AHSP: variants seen among roughly 807,000 people sequenced by gnomAD.
AHSP encodes the protein alpha-hemoglobin-stabilizing protein.
In AHSP, 5 loss-of-function variants were observed where a neutral mutation model predicts 2.7. That is an observed-to-expected ratio of 1.86 (90% CI 0.97 to 3.92). The LOEUF is 3.92. Among genes scored for constraint, AHSP ranks in the 30% most tolerant of loss-of-function variants. The pLI is 0.00. For missense variants in AHSP, 134 were observed against 119.8 expected (o/e 1.12, Z -0.55); for synonymous variants, 50 against 48.4 (o/e 1.03, Z -0.14).
chr16:31,528,201 T>G lies in AHSP; in HGVS notation c.62T>G (p.Leu21Arg). Reference protein sequence around the residue: ...ISAGLKEFSVLLNQQVFNDPL... With the variant: ...ISAGLKEFSVRLNQQVFNDPL... ...GCAGGATTGAAGGAGTTCAGCGTTCTGCTGAATCAGCAGGTGAGTCCAAGC... is the reference window on the plus strand; with the variant it reads ...GCAGGATTGAAGGAGTTCAGCGTTCGGCTGAATCAGCAGGTGAGTCCAAGC... The change falls in exon 2 of 3, where the codon CTG (leucine) becomes CGG (arginine). Residue 21 changes from leucine (L) to arginine (R), a missense_variant. Physicochemically the swap from Leu to Arg is moderately radical, Grantham distance 102 (BLOSUM62 -2). Transcript: ENST00000302312. The G allele has an allele frequency of 6.2e-7, 1 of 1,613,988 alleles. No homozygotes were observed. Among genetic ancestry groups the G allele is most frequent in the Non-Finnish European group, 8.5e-7 (1 of 1,179,902 alleles).
chr16:31,528,296 C>G lies in AHSP; in HGVS notation c.75+82C>G. 2.1e-6 allele frequency: 3 copies of G among 1,407,056 alleles called. No homozygotes were observed. The South Asian group carries it at 3.5e-5, about 16-fold the overall frequency. 87.2% of individuals were successfully genotyped at this position (1,407,056 alleles called of 1,614,324 possible). On this transcript the variant is annotated intron_variant, in intron 2 of 2. Coordinates refer to ENST00000302312, the MANE Select transcript of AHSP (RefSeq NM_016633.4). ...AAGTGGAGGAAGAGGATAATTGGAG[C>G]TGGTGAAGTAATGGTGGAGTTGATG... is the stretch of plus-strand genomic sequence containing the variant.
intron 2 of AHSP, 83 bp downstream of exon 2, chr16:31,528,297 T>G: frequency 1.4e-6 from 2 of 1,408,796 alleles, no homozygotes; most frequent in Non-Finnish European, 2.0e-6. Flanking sequence ...TAATTGGAGC[T>G]GGTGAAGTAA....
At chr16:31,528,051 A>AT in intron 1 of AHSP, 85 bp from the exon 2 acceptor site, 1 of 1,127,026 alleles carries the variant, frequency 8.9e-7, no homozygotes, top group South Asian at 1.2e-5. Flanking sequence ...GGCAGGAGGG[A>AT]TTTTTAAGGG....
Position 31,528,458 on chromosome 16 carries a change from G to A in AHSP, c.76G>A (p.Val26Ile). The change falls in exon 3 of 3, where the codon GTC becomes ATC. Residue 26 changes from valine to isoleucine, a missense_variant and splice_region_variant. Coordinates refer to ENST00000302312, the MANE Select transcript of AHSP (RefSeq NM_016633.4). Reference protein sequence around the residue: ...KEFSVLLNQQVFNDPLVSEED... With the variant: ...KEFSVLLNQQIFNDPLVSEED... The stretch of plus-strand genomic sequence containing the variant: ...CAACTGCCTCTCCGCAACCCCCCAG[G>A]TCTTCAATGATCCTCTCGTCTCTGA... 6.2e-7 allele frequency: 1 copy of A among 1,613,972 alleles called. No homozygotes were observed. The highest frequency in any genetic ancestry group is 1.7e-5 in the Admixed American group (1 of 60,012).
At chr16:31,528,036 T>C in intron 1 of AHSP, 74 bp downstream of exon 1, 1 of 983,696 alleles carries the variant, frequency 1.0e-6, no homozygotes. Context: ...GAGATAGCCC[T>C]GCAGGGCAGG....
rs774765197 is a variant in AHSP at position 31,528,161 on chromosome 16, A to G, written c.22A>G (p.Lys8Glu). Residue 8 changes from lysine to glutamate, a missense_variant, in exon 2 of 3, where the codon AAG becomes GAG. Coordinates refer to ENST00000302312, the MANE Select transcript of AHSP (RefSeq NM_016633.4). ...GCAGATGGCTCTTCTTAAGGCCAAT[A>G]AGGATCTCATTTCCGCAGGATTGAA... The part of the protein sequence containing the change: MALLKAN[K>E]DLISAGLKEF... The G allele has an allele frequency of 6.2e-7, 1 of 1,614,014 alleles. No individual in the cohort carries two copies. Among genetic ancestry groups the G allele is most frequent in the East Asian group, 2.2e-5 (1 of 44,884 alleles).
At chr16:31,528,417 C>A in intron 2 of AHSP, 41 bp from the exon 3 acceptor site, 1 of 1,561,874 alleles carries the variant, frequency 6.4e-7, no homozygotes, top group Non-Finnish European at 8.8e-7. Flanking sequence ...CCATTGCTGA[C>A]CACATTCTCC....
chr16:31,528,325 A>ACAAC (rs1003952357), intron 2 of AHSP, 111 bp downstream of exon 2: 59 of 1,308,258 alleles, frequency 4.5e-5, no homozygotes, highest in Non-Finnish European at 6.2e-5. Flanking sequence ...GTTGATGGAA[A>ACAAC]CAACGAGAGA....
Position 31,528,782 on chromosome 16 carries a change from G to A in AHSP, c.*91G>A. The A allele has an allele frequency of 8.3e-7, 1 of 1,197,726 alleles. No individual in the cohort carries two copies. The highest frequency in any genetic ancestry group is 1.2e-6 in the Non-Finnish European group (1 of 836,418). The allele number at this position is 1,197,726 out of a possible 1,614,324, so 74.2% of individuals were successfully genotyped here. On this transcript the variant is annotated 3_prime_UTR_variant, in exon 3 of 3. Transcript: ENST00000302312. The stretch of plus-strand genomic sequence containing the variant: ...CACTCTACCCTGACACCTCAATAAA[G>A]ACCAGTGCTGGTTTTGTTGGACTTC...
rs2082744087 is a variant in AHSP at position 31,528,623 on chromosome 16, T to C, written c.241T>C (p.Phe81Leu). 1 of 1,613,944 alleles carries C rather than the reference T, an allele frequency of 6.2e-7. No homozygotes were observed. ...AGAGCTGAACACTCTGGCCAACCCT[T>C]TCCTGGCCAAGTACAGGGACTTCCT... ...RQELNTLANP[F>L]LAKYRDFLKS... Residue 81 changes from phenylalanine to leucine, a missense_variant, in exon 3 of 3, where the codon TTC becomes CTC. Coordinates refer to ENST00000302312, the MANE Select transcript of AHSP (RefSeq NM_016633.4).
chr16:31,528,390 T>C, intron 2 of AHSP, 68 bp from the exon 3 acceptor site: 1 of 1,429,454 alleles, frequency 7.0e-7, no homozygotes, highest in Middle Eastern at 1.8e-4. Flanking sequence ...GTGGCACTAT[T>C]CTAGTATTCC....
rs763147347 is a variant in AHSP at position 31,528,512 on chromosome 16, T to G, written c.130T>G (p.Trp44Gly). 3.1e-6 allele frequency: 5 copies of G among 1,614,162 alleles called. No individual in the cohort carries two copies. The East Asian group carries it at 1.1e-4, about 36-fold the overall frequency. ...AGACATGGTGACTGTGGTGGAGGACTGGATGAACTTCTACATCAACTATTA... is the reference window on the plus strand; with the variant it reads ...AGACATGGTGACTGTGGTGGAGGACGGGATGAACTTCTACATCAACTATTA... ...EEDMVTVVED[W>G]MNFYINYYRQ... The change falls in exon 3 of 3, where the codon TGG (tryptophan) becomes GGG (glycine). Residue 44 changes from tryptophan (W) to glycine (G), a missense_variant. Coordinates refer to ENST00000302312, the MANE Select transcript of AHSP (RefSeq NM_016633.4).
Position 31,528,225 on chromosome 16 carries a change from G to A in AHSP, c.75+11G>A. 6.2e-7 allele frequency: 1 copy of A among 1,612,820 alleles called. No homozygotes were observed. Among genetic ancestry groups the A allele is most frequent in the South Asian group, 1.1e-5 (1 of 91,060 alleles). Reference sequence around the variant, plus strand: ...CTGCTGAATCAGCAGGTGAGTCCAAGCTTTCCATTTCAAAGGACTGGCCTG... The same window carrying A: ...CTGCTGAATCAGCAGGTGAGTCCAAACTTTCCATTTCAAAGGACTGGCCTG... On this transcript the variant is annotated intron_variant, in intron 2 of 2. Transcript: ENST00000302312.
rs2082740295 is a variant in AHSP, at chr16:31,528,211, G to A, written c.72G>A (p.Gln24=). Residue 24 remains glutamine (Q), a synonymous_variant, in exon 2 of 3, where the codon CAG becomes CAA. Transcript: ENST00000302312. ...GLKEFSVLLN[Q]QVFNDPLVSE... is the part of the protein sequence containing the mutation. ...AGGAGTTCAGCGTTCTGCTGAATCA[G>A]CAGGTGAGTCCAAGCTTTCCATTTC... is the stretch of plus-strand genomic sequence containing the variant. 2 of 1,613,688 alleles carry A rather than the reference G, an allele frequency of 1.2e-6. No homozygotes were observed. The highest frequency in any genetic ancestry group is 8.5e-7 in the Non-Finnish European group (1 of 1,179,818).
rs1361669982 is a variant in AHSP, at chr16:31,528,514, G to A, written c.132G>A (p.Trp44Ter). 5.0e-6 allele frequency: 8 copies of A among 1,614,060 alleles called. No homozygotes were observed. Among genetic ancestry groups the A allele is most frequent in the Non-Finnish European group, 6.8e-6 (8 of 1,180,044 alleles). ...EEDMVTVVED[W>*]MNFYINYYRQ... ...ACATGGTGACTGTGGTGGAGGACTGGATGAACTTCTACATCAACTATTACA... is the reference window on the plus strand; with the variant it reads ...ACATGGTGACTGTGGTGGAGGACTGAATGAACTTCTACATCAACTATTACA... Residue 44 changes from tryptophan (W) to a stop codon, truncating the protein, a stop_gained, in exon 3 of 3, where the codon TGG (tryptophan) becomes TGA (stop). Transcript: ENST00000302312. LOFTEE classifies it low-confidence loss of function (END_TRUNC).
In AHSP at chr16:31,527,946, G is replaced by A; in HGVS notation, c.-21G>A. On this transcript the variant is annotated 5_prime_UTR_variant, in exon 1 of 3. Coordinates refer to ENST00000302312, the MANE Select transcript of AHSP (RefSeq NM_016633.4). ...CAAGAGTGTGGGTGAGACATATACA[G>A]CCTGTTAGACCTGAAGGTGAGCCCA... 3.1e-6 allele frequency: 2 copies of A among 641,432 alleles called. No individual in the cohort carries two copies. The highest frequency in any genetic ancestry group is 2.8e-6 in the Non-Finnish European group (1 of 352,588). The allele number at this position is 641,432 out of a possible 1,614,324, so 39.7% of individuals were successfully genotyped here.
At position 31,528,530 on chromosome 16, in the gene AHSP, A is replaced by G. The variant is rs532608919; in HGVS notation, c.148A>G (p.Asn50Asp). 3.7e-6 allele frequency: 6 copies of G among 1,614,154 alleles called. No individual in the cohort carries two copies. The South Asian group carries it at 4.4e-5, about 12-fold the overall frequency. Reference sequence around the variant, plus strand: ...GGAGGACTGGATGAACTTCTACATCAACTATTACAGGCAGCAGGTGACAGG... The same window carrying G: ...GGAGGACTGGATGAACTTCTACATCGACTATTACAGGCAGCAGGTGACAGG... ...VVEDWMNFYI[N>D]YYRQQVTGEP... The change falls in exon 3 of 3, where the codon AAC (asparagine) becomes GAC (aspartate). Residue 50 changes from asparagine (N) to aspartate (D), a missense_variant. Physicochemically the swap from Asn to Asp is conservative, Grantham distance 23 (BLOSUM62 1). Transcript: ENST00000302312.
rs1166309719 is a variant in AHSP, at chr16:31,528,482, G to A, written c.100G>A (p.Glu34Lys). The A allele has an allele frequency of 6.2e-7, 1 of 1,614,152 alleles. No individual in the cohort carries two copies. Among genetic ancestry groups the A allele is most frequent in the Non-Finnish European group, 8.5e-7 (1 of 1,180,020 alleles). ...GGTCTTCAATGATCCTCTCGTCTCT[G>A]AAGAAGACATGGTGACTGTGGTGGA... Reference protein sequence around the residue: ...QQVFNDPLVSEEDMVTVVEDW... With the variant: ...QQVFNDPLVSKEDMVTVVEDW... Residue 34 changes from glutamate (E) to lysine (K), a missense_variant, in exon 3 of 3, where the codon GAA becomes AAA. By Grantham distance (56) the Glu-to-Lys change is moderately conservative (BLOSUM62 1). Transcript: ENST00000302312.
Position 31,528,759 on chromosome 16 carries a change from C to T in AHSP, c.*68C>T, listed in dbSNP as rs148412737. ...ATGTCCTTAGGCTGTGCTCCTGCCA[C>T]TCTACCCTGACACCTCAATAAAGAC... On this transcript the variant is annotated 3_prime_UTR_variant, in exon 3 of 3. Transcript: ENST00000302312. The T allele has an allele frequency of 7.2e-7, 1 of 1,385,630 alleles. No homozygotes were observed. The highest frequency in any genetic ancestry group is 2.5e-5 in the East Asian group (1 of 40,746). 85.8% of individuals were successfully genotyped at this position (1,385,630 alleles called of 1,614,324 possible).
Sources: allele counts gnomAD v4.1 joint callset, GRCh38; gene constraint gnomAD v4.1.1; transcripts MANE v1.5; gene names NCBI Gene and HGNC (gene_info 2026-07-23, HGNC 2026-07-21).